GKN2: variants seen among roughly 807,000 people sequenced by gnomAD.
The protein encoded by GKN2 is gastrokine 2, also known as gastrokine-2.
GKN2 carries 17 observed loss-of-function variants against 22.7 expected under a neutral mutation model. The observed-to-expected ratio is 0.75, with a 90% CI of 0.51 to 1.13. GKN2 has a LOEUF of 1.13. Ranked by LOEUF, GKN2 falls within the 50% of genes most tolerant of loss-of-function variation. The probability of loss-of-function intolerance (pLI) is 0.00; values close to 1 mark genes in which losing one functional copy is unlikely to be tolerated. For missense variants in GKN2, 248 were observed against 221.4 expected (o/e 1.12, Z -0.76); for synonymous variants, 82 against 79.6 (o/e 1.03, Z -0.16).
At position 68,952,769 on chromosome 2, in the gene GKN2, A is replaced by C. The variant is rs6720209; in HGVS notation, c.12+81T>G. The C allele has an allele frequency of 0.015, 22,758 of 1,479,704 alleles. 2,728 individuals are homozygous for C. The African/African-American group carries it at 0.27, about 17-fold the overall frequency. The allele number at this position is 1,479,704 out of a possible 1,614,324, so 91.7% of individuals were successfully genotyped here. ...TGCACAGTATCTGTCTAAGACTCCCAAAATCCATGGCATATTAGATATGAG... is the reference window on the plus strand; with the variant it reads ...TGCACAGTATCTGTCTAAGACTCCCCAAATCCATGGCATATTAGATATGAG... On this transcript the variant is annotated intron_variant, in intron 1 of 5. Transcript: ENST00000328895.
At chr2:68,952,817 C>A in intron 1 of GKN2, 33 bp downstream of exon 1, 2 of 1,612,876 alleles carry the variant, frequency 1.2e-6, no homozygotes, top group Non-Finnish European at 1.7e-6. Flanking sequence ...GCAGTCACCA[C>A]AAGAGTATCA....
intron 5 of GKN2, chr2:68,945,985 G>A: frequency 8.0e-6 from 3 of 373,846 alleles, no homozygotes; most frequent in Non-Finnish European, 1.4e-5. Context: ...ATGACTTTTT[G>A]CTACTTGAAA....
At chr2:68,949,466 C>A (rs148280798) in intron 3 of GKN2, among the ~76,000 whole-genome samples, 4,375 of 152,134 alleles carry the variant, frequency 0.029, 87 homozygotes, top group Non-Finnish European at 0.047. Context: ...GTCACCCAGG[C>A]TGGAGTGCAG....
chr2:68,952,503 C>T (rs1001802029), intron 1 of GKN2, among the ~76,000 whole-genome samples: 1 of 152,160 alleles, frequency 6.6e-6, no homozygotes, highest in Admixed American at 6.6e-5. Flanking sequence ...TTTTAAACTA[C>T]AGCTTCTCTC....
intron 3 of GKN2, among the ~76,000 whole-genome samples, chr2:68,949,603 A>G (rs931428998): frequency 5.9e-5 from 9 of 151,964 alleles, no homozygotes; most frequent in Non-Finnish European, 7.4e-5. Context: ...TATTTTTGGT[A>G]GAGATGGGAT....
At chr2:68,945,907 G>A (rs1405294914) in intron 5 of GKN2, 2 of 254,830 alleles carry the variant, frequency 7.8e-6, no homozygotes, top group Non-Finnish European at 1.5e-5. Flanking sequence ...TTCTATTCTA[G>A]ATCCTGAGAG....
At chr2:68,950,409 T>G in intron 2 of GKN2, 146 bp from the exon 3 acceptor site, 1 of 758,864 alleles carries the variant, frequency 1.3e-6, no homozygotes, top group Non-Finnish European at 2.1e-6. Flanking sequence ...CAAAAACTTA[T>G]GATGCCATAA....
intron 4 of GKN2, among the ~76,000 whole-genome samples, chr2:68,946,774 C>A (rs189881775): frequency 0.025 from 3,770 of 152,200 alleles, 145 homozygotes; most frequent in African/African-American, 0.086. Flanking sequence ...TATATGTTCA[C>A]TCAACTGTAT....
At chr2:68,948,931 C>G (rs574554420) in intron 3 of GKN2, among the ~76,000 whole-genome samples, 173 of 152,222 alleles carry the variant, frequency 1.1e-3, no homozygotes, top group Non-Finnish European at 1.9e-3. Flanking sequence ...TGCTTAAAAA[C>G]AATTTCAGTG....
intron 3 of GKN2, among the ~76,000 whole-genome samples, chr2:68,949,287 C>T (rs1287981496): frequency 6.6e-6 from 1 of 152,130 alleles, no homozygotes; most frequent in African/African-American, 2.4e-5. Flanking sequence ...AGCAGATTTT[C>T]TTTCTTACAG....
chr2:68,951,904 T>C (rs1275027667), intron 1 of GKN2, among the ~76,000 whole-genome samples: 2 of 152,250 alleles, frequency 1.3e-5, no homozygotes, highest in African/African-American at 4.8e-5. Flanking sequence ...ACCATGGTTA[T>C]ATAATACTTT....
At chr2:68,945,656 T>C (rs1669754932) in intron 5 of GKN2, 2 of 443,410 alleles carry the variant, frequency 4.5e-6, no homozygotes, top group Non-Finnish European at 4.1e-6. Flanking sequence ...AATTTTTTTC[T>C]GGGCAGTAGA....
chr2:68,945,261 C>A lies in GKN2; in HGVS notation c.*107G>T. 1.3e-6 allele frequency: 1 copy of A among 794,632 alleles called. No individual in the cohort carries two copies. The highest frequency in any genetic ancestry group is 2.0e-6 in the Non-Finnish European group (1 of 498,406). The allele number at this position is 794,632 out of a possible 1,614,324, so 49.2% of individuals were successfully genotyped here. On this transcript the variant is annotated 3_prime_UTR_variant, in exon 6 of 6. Transcript: ENST00000328895. ...TAAATACAGCATTTATATTTTCTGA[C>A]TGAATCTCAAAATTAGTTGGGGCAT... is the stretch of plus-strand genomic sequence containing the variant.
chr2:68,947,609 G>A (rs1474847282), intron 3 of GKN2, among the ~76,000 whole-genome samples: 1 of 151,572 alleles, frequency 6.6e-6, no homozygotes, highest in Non-Finnish European at 1.5e-5. Context: ...TTATTTTTTT[G>A]AGACAGACTC....
chr2:68,951,560 C>G (rs1004049490), intron 1 of GKN2, among the ~76,000 whole-genome samples: 1 of 152,162 alleles, frequency 6.6e-6, no homozygotes, highest in Non-Finnish European at 1.5e-5. Context: ...TGAAAGGAGT[C>G]TTGGGGAAGG....
intron 3 of GKN2, among the ~76,000 whole-genome samples, chr2:68,948,251 A>C (rs944932443): frequency 1.6e-4 from 8 of 50,212 alleles, no homozygotes; most frequent in African/African-American, 6.6e-4. Context: ...GTCAAAAAAA[A>C]AAAACAAAAA....
intron 5 of GKN2, chr2:68,946,039 G>T (rs1016304211): frequency 7.4e-6 from 3 of 406,694 alleles, no homozygotes; most frequent in Non-Finnish European, 4.3e-6. Context: ...GTTTTTCATT[G>T]GCATCCAGAA....
chr2:68,950,153 A>T lies in GKN2; in HGVS notation c.177T>A (p.Ser59=). ...AIINIHAGSC[S]STTIFDYKHG... is the part of the protein sequence containing the mutation. ...GTTTATAGTCAAAAATTGTGGTAGA[A>T]GAGCATGATCCTGCATGGATGTTAA... The change falls in exon 3 of 6, where the codon TCT becomes TCA. Residue 59 remains serine, a synonymous_variant. Transcript: ENST00000328895. The T allele has an allele frequency of 6.2e-7, 1 of 1,613,412 alleles. No homozygotes were observed. Among genetic ancestry groups the T allele is most frequent in the Non-Finnish European group, 8.5e-7 (1 of 1,179,768 alleles).
chr2:68,952,886 G>C lies in GKN2; in HGVS notation c.-25C>G, dbSNP rs1166309771. 1 of 1,613,482 alleles carries C rather than the reference G, an allele frequency of 6.2e-7. No homozygotes were observed. Among genetic ancestry groups the C allele is most frequent in the East Asian group, 2.2e-5 (1 of 44,850 alleles). Reference sequence around the variant, plus strand: ...TTTTGCCTGGGAGAGGAAGGTGCTGGAGTAAGTAAAGCTGCCCTGTGCAGC... The same window carrying C: ...TTTTGCCTGGGAGAGGAAGGTGCTGCAGTAAGTAAAGCTGCCCTGTGCAGC... On this transcript the variant is annotated 5_prime_UTR_variant, in exon 1 of 6. Coordinates refer to ENST00000328895, the MANE Select transcript of GKN2 (RefSeq NM_182536.3).
Sources: gnomAD v4.1 joint callset for allele counts (sites outside exome capture counted in the v4.1 genomes callset) on GRCh38, gnomAD v4.1.1 for gene constraint, MANE v1.5 for transcripts, NCBI Gene and HGNC (gene_info 2026-07-23, HGNC 2026-07-21) for gene names.